Variants in HMCN1 observed in about 807,000 individuals in gnomAD.
HMCN1 encodes the protein hemicentin 1.
Under a neutral mutation model 625.9 loss-of-function variants are expected in HMCN1, and 321 were observed. That is an observed-to-expected ratio of 0.51 (90% CI 0.47 to 0.56). HMCN1 has a LOEUF of 0.56. HMCN1 is among the 20% of genes least tolerant of loss of function. The pLI is 0.00. For missense variants in HMCN1, 6,588 were observed against 6,887.3 expected (o/e 0.96, Z 1.54); for synonymous variants, 2,425 against 2,417.6 (o/e 1.00, Z -0.09).
intron 69 of HMCN1, among the ~76,000 whole-genome samples, chr1:186,104,890 CA>C (rs1232190178): frequency 6.6e-6 from 1 of 151,792 alleles, no homozygotes; most frequent in African/African-American, 2.4e-5. Context: ...TTTCAACAAA[CA>C]AAAAGTAGGC....
intron 2 of HMCN1, among the ~76,000 whole-genome samples, chr1:185,858,918 G>A (rs1662673052): frequency 1.3e-5 from 2 of 151,782 alleles, no homozygotes; most frequent in Non-Finnish European, 2.9e-5. Context: ...TTTTAGCAAT[G>A]CTTCTGCAGC....
At chr1:185,890,642 G>C (rs1344760677) in intron 4 of HMCN1, among the ~76,000 whole-genome samples, 2 of 115,640 alleles carry the variant, frequency 1.7e-5, no homozygotes. Context: ...TCTTAATCCT[G>C]AGTTCTAGTT....
chr1:185,970,250 T>C, intron 14 of HMCN1, 85 bp from the exon 15 acceptor site: 1 of 1,291,748 alleles, frequency 7.7e-7, no homozygotes, highest in Middle Eastern at 1.8e-4. Flanking sequence ...TCAACTTTAT[T>C]TGGAAGTTTT....
At chr1:186,084,674 G>A (rs1659368745) in intron 57 of HMCN1, among the ~76,000 whole-genome samples, 1 of 151,764 alleles carries the variant, frequency 6.6e-6, no homozygotes, top group African/African-American at 2.4e-5. Flanking sequence ...ACTTCTCTTA[G>A]CCCATATCTT....
At chr1:186,088,508 C>A in intron 62 of HMCN1, 98 bp from the exon 63 acceptor site, 1 of 1,429,534 alleles carries the variant, frequency 7.0e-7, no homozygotes, top group East Asian at 2.4e-5. Context: ...TTAAGAAATG[C>A]ATTTATCACG....
intron 15 of HMCN1, among the ~76,000 whole-genome samples, chr1:185,971,030 G>T (rs1650787029): frequency 6.6e-6 from 1 of 152,110 alleles, no homozygotes; most frequent in Non-Finnish European, 1.5e-5. Context: ...CCTTTTTATA[G>T]ATAAGGAAAC....
Position 186,045,743 on chromosome 1 carries a change from T to A in HMCN1, c.6360T>A (p.Ala2120=), listed in dbSNP as rs1656521285. The A allele has an allele frequency of 1.2e-6, 2 of 1,613,360 alleles. No individual in the cohort carries two copies. The highest frequency in any genetic ancestry group is 1.7e-5 in the Admixed American group (1 of 59,998). ...EQNVSVLISQ[A]VELLCQSDAI... ...ATGTCTCTGTCCTCATTAGCCAAGC[T>A]GTGGAATTACTATGTCAAAGTGATG... Residue 2120 remains alanine, a synonymous_variant, in exon 41 of 107, where the codon GCT becomes GCA. Coordinates refer to ENST00000271588, the MANE Select transcript of HMCN1 (RefSeq NM_031935.3).
At chr1:185,842,796 A>G (rs1661565366) in intron 1 of HMCN1, among the ~76,000 whole-genome samples, 1 of 152,054 alleles carries the variant, frequency 6.6e-6, no homozygotes, top group East Asian at 1.9e-4. Context: ...TACTGTGTGC[A>G]TCAAATTAAA....
At chr1:185,742,980 T>C (rs929942730) in intron 1 of HMCN1, among the ~76,000 whole-genome samples, 1 of 152,212 alleles carries the variant, frequency 6.6e-6, no homozygotes, top group African/African-American at 2.4e-5. Flanking sequence ...AATGATGTTT[T>C]TCCCCCCTTG....
At chr1:186,069,840 T>G (rs1571304658) in intron 51 of HMCN1, 64 bp downstream of exon 51, 1 of 980,640 alleles carries the variant, frequency 1.0e-6, no homozygotes, top group East Asian at 2.5e-5. Flanking sequence ...TTCAATCCTG[T>G]TTTTCATTAT....
At chr1:185,810,074 T>G (rs953681576) in intron 1 of HMCN1, among the ~76,000 whole-genome samples, 1 of 152,122 alleles carries the variant, frequency 6.6e-6, no homozygotes, top group Non-Finnish European at 1.5e-5. Flanking sequence ...TGCAAAATAA[T>G]CTTTTAACAT....
Position 186,087,124 on chromosome 1 carries a change from G to T in HMCN1, c.9047-93G>T, listed in dbSNP as rs144181981. On this transcript the variant is annotated intron_variant, in intron 58 of 106. Coordinates refer to ENST00000271588, the MANE Select transcript of HMCN1 (RefSeq NM_031935.3). ...CTTCTCTATAAATTTTACTCTAAGG[G>T]GAAGGATATATGTTGCTATTTATCT... is the stretch of plus-strand genomic sequence containing the variant. 1.0e-3 allele frequency: 841 copies of T among 801,996 alleles called. 6 individuals carry two copies. The African/African-American group carries it at 0.013, about 12-fold the overall frequency. 49.7% of individuals were successfully genotyped at this position (801,996 alleles called of 1,614,324 possible).
chr1:186,153,956 G>A lies in HMCN1; in HGVS notation c.15225G>A (p.Leu5075=). 1.2e-6 allele frequency: 2 copies of A among 1,613,796 alleles called. No homozygotes were observed. Among genetic ancestry groups the A allele is most frequent in the Non-Finnish European group, 1.7e-6 (2 of 1,179,772 alleles). Residue 5075 remains leucine (L), a synonymous_variant, in exon 97 of 107, where the codon CTG becomes CTA. Transcript: ENST00000271588. ...ACTATAACCAGATAGAAGAGACACT[G>A]GGTTTTAAAATTCATGCTTCAATAT... ...ESDYNQIEET[L]GFKIHASISK...
chr1:185,864,894 A>G (rs1188156817), intron 3 of HMCN1, among the ~76,000 whole-genome samples: 1 of 152,238 alleles, frequency 6.6e-6, no homozygotes, highest in Non-Finnish European at 1.5e-5. Flanking sequence ...TCTTTTCCTT[A>G]TAACTGACAA....
chr1:186,113,914 A>C (rs1317228433), intron 72 of HMCN1, 65 bp from the exon 73 acceptor site: 1 of 1,539,634 alleles, frequency 6.5e-7, no homozygotes, highest in African/African-American at 1.4e-5. Context: ...TTACATCTTC[A>C]GGGTCTTCAT....
At chr1:185,867,087 A>G (rs1218921842) in intron 4 of HMCN1, among the ~76,000 whole-genome samples, 1 of 152,228 alleles carries the variant, frequency 6.6e-6, no homozygotes, top group Non-Finnish European at 1.5e-5. Flanking sequence ...CTAATAGGAC[A>G]TTACAAATTT....
At chr1:186,095,775 T>C (rs1002305700) in intron 68 of HMCN1, among the ~76,000 whole-genome samples, 1 of 152,174 alleles carries the variant, frequency 6.6e-6, no homozygotes, top group Non-Finnish European at 1.5e-5. Flanking sequence ...TAAAACCTTA[T>C]AACCAATTGA....
At chr1:186,137,754 T>C (rs1649699275) in intron 88 of HMCN1, 48 bp from the exon 89 acceptor site, 1 of 1,613,974 alleles carries the variant, frequency 6.2e-7, no homozygotes, top group Non-Finnish European at 8.5e-7. Flanking sequence ...AGTGTAAGTA[T>C]TCCCAATTGA....
intron 1 of HMCN1, among the ~76,000 whole-genome samples, chr1:185,832,391 T>A (rs1660923424): frequency 6.6e-6 from 1 of 152,112 alleles, no homozygotes; most frequent in Non-Finnish European, 1.5e-5. Flanking sequence ...GTGGGACTAG[T>A]TTTACTAGAT....
Sources: gnomAD v4.1 joint callset for allele counts (sites outside exome capture counted in the v4.1 genomes callset) on GRCh38, gnomAD v4.1.1 for gene constraint, MANE v1.5 for transcripts, NCBI Gene and HGNC (gene_info 2026-07-23, HGNC 2026-07-21) for gene names.